Variants in SMARCC2 observed in about 807,000 individuals in gnomAD.
SMARCC2 encodes SWI/SNF complex subunit SMARCC2.
A neutral mutation model predicts 151.3 loss-of-function variants in SMARCC2; 15 were observed. The ratio of observed to expected loss-of-function variants is 0.10; its 90% CI spans 0.07 to 0.15. SMARCC2 has a LOEUF of 0.15. SMARCC2 is among the 10% of genes least tolerant of loss of function. The pLI is 1.00. For missense variants in SMARCC2, 1,031 were observed against 1,599.7 expected (o/e 0.64, Z 6.06); for synonymous variants, 590 against 609.5 (o/e 0.97, Z 0.47).
At position 56,162,385 on chromosome 12, in the gene SMARCC2, A is replaced by T. The variant is rs566275386; in HGVS notation, c.*1304T>A. The T allele has an allele frequency of 1.0e-5, 6 of 586,506 alleles. No homozygotes were observed. The highest frequency in any genetic ancestry group is 6.1e-5 in the East Asian group (2 of 33,052). The allele number at this position is 586,506 out of a possible 1,614,324, so 36.3% of individuals were successfully genotyped here. On this transcript the variant is annotated 3_prime_UTR_variant, in exon 29 of 29. Coordinates refer to ENST00000550164, the MANE Select transcript of SMARCC2 (RefSeq NM_001330288.2). ...GGAACTGAAAGCAAATTAATTTATA[A>T]AAAAAAAAAAAAGAAAGAAAGAAAA...
Position 56,163,729 on chromosome 12 carries a change from G to T in SMARCC2, c.3698C>A (p.Pro1233Gln). The T allele has an allele frequency of 6.6e-7, 1 of 1,510,142 alleles. No homozygotes were observed. The allele number at this position is 1,510,142 out of a possible 1,614,324, so 93.5% of individuals were successfully genotyped here. ...GTPLPPDPTA[P>Q]SPGTVTPVPP... ...CACAGGGGTGACCGTGCCTGGGCTC[G>T]GGGCTGTGGGGTCTGGAGGCAGGGG... The change falls in exon 29 of 29, where the codon CCG becomes CAG. Residue 1233 changes from proline (P) to glutamine (Q), a missense_variant. Transcript: ENST00000550164.
chr12:56,180,941 T>TG (rs147195965), intron 11 of SMARCC2, 36 bp downstream of exon 11: 1 of 1,581,064 alleles, frequency 6.3e-7, no homozygotes, highest in South Asian at 1.1e-5. Context: ...AGACGGGGAG[T>TG]GGGGGTGGAT....
Position 56,181,024 on chromosome 12 carries a change from T to G in SMARCC2, c.1034A>C (p.Glu345Ala). The G allele has an allele frequency of 6.2e-7, 1 of 1,614,026 alleles. No individual in the cohort carries two copies. Among genetic ancestry groups the G allele is most frequent in the Non-Finnish European group, 8.5e-7 (1 of 1,179,962 alleles). Residue 345 changes from glutamate (E) to alanine (A), a missense_variant, in exon 11 of 29, where the codon GAG becomes GCG. Around this residue, in one of 12 missense-constraint regions of SMARCC2, gnomAD observed 127 missense variants for 141.7 expected, o/e 0.90. Coordinates refer to ENST00000550164, the MANE Select transcript of SMARCC2 (RefSeq NM_001330288.2). ...TTCTACATTGGGGACTGGTGAGGGCTCGTCCATGTCCTTTGTCAGGTCTTC... is the reference window on the plus strand; with the variant it reads ...TTCTACATTGGGGACTGGTGAGGGCGCGTCCATGTCCTTTGTCAGGTCTTC... ...EQEDLTKDMD[E>A]PSPVPNVEEV...
In SMARCC2 at chr12:56,171,893, A is replaced by G; in HGVS notation, c.1971T>C (p.His657=). 3 of 1,613,568 alleles carry G rather than the reference A, an allele frequency of 1.9e-6. No individual in the cohort carries two copies. The highest frequency in any genetic ancestry group is 2.5e-6 in the Non-Finnish European group (3 of 1,179,708). ...ACTCGTCCTGTGTGCGGCTTCCCACATGCTCGGACACTTTGTTCCAGTCAT... is the reference window on the plus strand; with the variant it reads ...ACTCGTCCTGTGTGCGGCTTCCCACGTGCTCGGACACTTTGTTCCAGTCAT... ...YKDDWNKVSE[H]VGSRTQDECI... is the part of the protein sequence containing the mutation. The change falls in exon 21 of 29, where the codon CAT becomes CAC. Residue 657 remains histidine (H), a synonymous_variant. Transcript: ENST00000550164. This position sits in a 1 kb window ranked among gnomAD's most constrained non-coding sequence, Gnocchi z 4.2.
In SMARCC2 at chr12:56,171,483, T is replaced by C; in HGVS notation, c.2186-51A>G. On this transcript the variant is annotated intron_variant, in intron 21 of 28. Transcript: ENST00000550164. The surrounding 1 kb of genome is among the most constrained non-coding windows in gnomAD (Gnocchi z 4.2). Reference sequence around the variant, plus strand: ...TGGGAGCGGCACAGTGGAACAGTTCTGGCAATCCCTGCAAAAGCTTACTCA... The same window carrying C: ...TGGGAGCGGCACAGTGGAACAGTTCCGGCAATCCCTGCAAAAGCTTACTCA... The C allele has an allele frequency of 1.9e-6, 3 of 1,607,720 alleles. No homozygotes were observed. The highest frequency in any genetic ancestry group is 2.6e-6 in the Non-Finnish European group (3 of 1,174,660).
chr12:56,171,156 A>G lies in SMARCC2; in HGVS notation c.2347+115T>C. 1.0e-6 allele frequency: 1 copy of G among 973,580 alleles called. No individual in the cohort carries two copies. Among genetic ancestry groups the G allele is most frequent in the South Asian group, 1.5e-5 (1 of 65,640 alleles). The allele number at this position is 973,580 out of a possible 1,614,324, so 60.3% of individuals were successfully genotyped here. A position where few individuals can be genotyped will look rare whatever the true frequency, so the allele number is the denominator to read the frequency against. ...TCATGGGGAAAATAAAAACCCTACC[A>G]ATGTTCTCATTCATGTTGTGCTCTA... On this transcript the variant is annotated intron_variant, in intron 22 of 28. Coordinates refer to ENST00000550164, the MANE Select transcript of SMARCC2 (RefSeq NM_001330288.2). The surrounding 1 kb of genome is among the most constrained non-coding windows in gnomAD (Gnocchi z 4.2).
rs753819378 is a variant in SMARCC2, at chr12:56,178,427, G to A, written c.1287C>T (p.Tyr429=). The A allele has an allele frequency of 8.7e-6, 14 of 1,614,234 alleles. No individual in the cohort carries two copies. The highest frequency in any genetic ancestry group is 2.2e-5 in the East Asian group (1 of 44,886). Reference sequence around the variant, plus strand: ...ACCTATTGTAGTCAAACCAGGCAGCGTAGCTGGGAATGATGATGTGGTGGG... The same window carrying A: ...ACCTATTGTAGTCAAACCAGGCAGCATAGCTGGGAATGATGATGTGGTGGG... ...EQTHHIIIPS[Y]AAWFDYNSVH... Residue 429 remains tyrosine (Y), a synonymous_variant, in exon 14 of 29, where the codon TAC becomes TAT. Coordinates refer to ENST00000550164, the MANE Select transcript of SMARCC2 (RefSeq NM_001330288.2).
intron 26 of SMARCC2, among the ~76,000 whole-genome samples, chr12:56,167,300 A>C (rs1872974284): frequency 6.6e-6 from 1 of 152,178 alleles, no homozygotes; most frequent in Admixed American, 6.5e-5. Context: ...GTGAGCGAAG[A>C]TCACACCATT....
At chr12:56,181,171 A>C in intron 10 of SMARCC2, 70 bp from the exon 11 acceptor site, 3 of 1,469,442 alleles carry the variant, frequency 2.0e-6, no homozygotes, top group South Asian at 1.2e-5. Flanking sequence ...GTTGAAGTTC[A>C]AGGGAAGGGA....
At position 56,171,731 on chromosome 12, in the gene SMARCC2, C is replaced by T. The variant is rs1194715230; in HGVS notation, c.2133G>A (p.Leu711=). 6.3e-7 allele frequency: 1 copy of T among 1,596,750 alleles called. No individual in the cohort carries two copies. Residue 711 remains leucine, a synonymous_variant, in exon 21 of 29, where the codon CTG becomes CTA. Transcript: ENST00000550164. This position sits in a 1 kb window ranked among gnomAD's most constrained non-coding sequence, Gnocchi z 4.2. ...CGACTCGGGGATCGACGACAGAGGC[C>T]AGGAAGGCAACAGTGCTCATAACAG... ...GNPVMSTVAF[L]ASVVDPRVAS...
chr12:56,188,428 T>C (rs1023176411), intron 1 of SMARCC2, among the ~76,000 whole-genome samples: 8 of 151,912 alleles, frequency 5.3e-5, no homozygotes, highest in African/African-American at 1.5e-4. Context: ...ACTGGGGAGC[T>C]GAAAGAAAGC....
chr12:56,178,359 A>G, intron 14 of SMARCC2, 45 bp downstream of exon 14: 1 of 1,603,100 alleles, frequency 6.2e-7, no homozygotes, highest in Non-Finnish European at 8.5e-7. Flanking sequence ...TGACCCCTGG[A>G]GGCAGGGAAA....
intron 1 of SMARCC2, 146 bp from the exon 2 acceptor site, chr12:56,187,452 G>T: frequency 1.3e-6 from 1 of 744,000 alleles, no homozygotes; most frequent in Non-Finnish European, 2.1e-6. Flanking sequence ...AAAGAAAATG[G>T]CAAAAGGGAG....
rs1876216113 is a variant in SMARCC2, at chr12:56,181,590, CT to C, written c.847del (p.Ser283AlafsTer57). 6.2e-7 allele frequency: 1 copy of C among 1,600,820 alleles called. No homozygotes were observed. The highest frequency in any genetic ancestry group is 8.5e-7 in the Non-Finnish European group (1 of 1,172,818). The part of the protein sequence containing the change: ...SAKTLTDEVN[S>X]PDSDRRDKKG... ...CTTGTCCCGTCGATCTGAATCTGGG[CT>C]GTTCACCTATAGGATGGAGAATCAG... On this transcript the variant is annotated frameshift_variant, in exon 10 of 29. Transcript: ENST00000550164. LOFTEE classifies it high-confidence loss of function.
At position 56,162,384 on chromosome 12, in the gene SMARCC2, A is replaced by G. The variant is rs943202741; in HGVS notation, c.*1305T>C. The G allele has an allele frequency of 8.7e-6, 2 of 229,106 alleles. No individual in the cohort carries two copies. The highest frequency in any genetic ancestry group is 1.7e-5 in the Non-Finnish European group (2 of 114,912). 14.2% of individuals were successfully genotyped at this position (229,106 alleles called of 1,614,324 possible). A position where few individuals can be genotyped will look rare whatever the true frequency, so the allele number is the denominator to read the frequency against. On this transcript the variant is annotated 3_prime_UTR_variant, in exon 29 of 29. Coordinates refer to ENST00000550164, the MANE Select transcript of SMARCC2 (RefSeq NM_001330288.2). ...TGGAACTGAAAGCAAATTAATTTAT[A>G]AAAAAAAAAAAAAGAAAGAAAGAAA...
chr12:56,163,654 C>A lies in SMARCC2; in HGVS notation c.*35G>T. On this transcript the variant is annotated 3_prime_UTR_variant, in exon 29 of 29. Coordinates refer to ENST00000550164, the MANE Select transcript of SMARCC2 (RefSeq NM_001330288.2). The stretch of plus-strand genomic sequence containing the variant: ...GCTGTTCCTGGAACCGTGATGTCCA[C>A]AGGGGGTGAGGGGGAGAGATGTCTG... 1 of 1,301,632 alleles carries A rather than the reference C, an allele frequency of 7.7e-7. No homozygotes were observed. Among genetic ancestry groups the A allele is most frequent in the Non-Finnish European group, 1.0e-6 (1 of 962,638 alleles). The allele number at this position is 1,301,632 out of a possible 1,614,324, so 80.6% of individuals were successfully genotyped here.
chr12:56,178,815 C>G lies in SMARCC2; in HGVS notation c.1174G>C (p.Gly392Arg). ...CCTCTCTAAACTGGCTCCACCTTGC[C>G]CGTCGTCTCCATGCTTTCATCTTCC... The part of the protein sequence containing the change: ...EQEDESMETT[G>R]KDEDENSTGN... Residue 392 changes from glycine (G) to arginine (R), a missense_variant, in exon 13 of 29, where the codon GGC becomes CGC. Around this residue, in one of 12 missense-constraint regions of SMARCC2, gnomAD observed 127 missense variants for 141.7 expected, o/e 0.90. Transcript: ENST00000550164. 6.2e-7 allele frequency: 1 copy of G among 1,614,058 alleles called. No individual in the cohort carries two copies. Among genetic ancestry groups the G allele is most frequent in the Non-Finnish European group, 8.5e-7 (1 of 1,179,920 alleles).
intron 28 of SMARCC2, 34 bp from the exon 29 acceptor site, chr12:56,163,799 A>G (rs1323375115): frequency 2.1e-6 from 3 of 1,416,136 alleles, no homozygotes; most frequent in Middle Eastern, 1.8e-4. Flanking sequence ...CAGTTAGAGT[A>G]CGCCGGAGAG....
Position 56,178,022 on chromosome 12 carries a change from A to G in SMARCC2, c.1382T>C (p.Ile461Thr), listed in dbSNP as rs1221068124. 6.2e-7 allele frequency: 1 copy of G among 1,604,356 alleles called. No individual in the cohort carries two copies. The highest frequency in any genetic ancestry group is 8.5e-7 in the Non-Finnish European group (1 of 1,171,528). The part of the protein sequence containing the change: ...NGKNKSKTPE[I>T]YLAYRNFMID... Reference sequence around the variant, plus strand: ...GAATCATGAGATGAGATTTCCTTACATCTCTGGAGTCTTGGACTTGTTCTT... The same window carrying G: ...GAATCATGAGATGAGATTTCCTTACGTCTCTGGAGTCTTGGACTTGTTCTT... The change falls in exon 15 of 29, where the codon ATC (isoleucine) becomes ACC (threonine). Residue 461 changes from isoleucine to threonine, a missense_variant and splice_region_variant. Coordinates refer to ENST00000550164, the MANE Select transcript of SMARCC2 (RefSeq NM_001330288.2).
Sources: allele counts gnomAD v4.1 joint callset (sites outside exome capture counted in the v4.1 genomes callset), GRCh38; gene constraint gnomAD v4.1.1; regional missense constraint gnomAD v4.1.1; non-coding constraint Gnocchi (gnomAD v3.1); transcripts MANE v1.5; gene names NCBI Gene and HGNC (gene_info 2026-07-23, HGNC 2026-07-21).